Variants in PARVB observed in about 807,000 individuals in gnomAD.
PARVB encodes parvin beta, also known as beta-parvin.
Under a neutral mutation model 47.0 loss-of-function variants are expected in PARVB, and 46 were observed. That is an observed-to-expected ratio of 0.98 (90% confidence interval 0.77 to 1.25). The LOEUF (loss-of-function observed/expected upper bound fraction) is 1.25, where lower values mean the gene tolerates loss of function less well. PARVB is among the 50% of genes most tolerant of loss of function. The pLI is 0.00. For missense variants in PARVB, 473 were observed against 471.6 expected (o/e 1.00, Z -0.03); for synonymous variants, 196 against 196.3 (o/e 1.00, Z 0.01).
At position 44,169,626 on chromosome 22, in the gene PARVB, A is replaced by G. The variant is rs2054245773; in HGVS notation, c.*948A>G. The G allele has an allele frequency of 6.6e-6, 1 of 150,520 alleles. No homozygotes were observed. Among genetic ancestry groups the G allele is most frequent in the Non-Finnish European group, 1.5e-5 (1 of 68,050 alleles). 9.3% of individuals were successfully genotyped at this position (150,520 alleles called of 1,614,324 possible). ...TCAGGCCTTTCGCCTTGGCTTGTAGATGCCGGCTTCTCCCCGTGTCTTCAC... is the reference window on the plus strand; with the variant it reads ...TCAGGCCTTTCGCCTTGGCTTGTAGGTGCCGGCTTCTCCCCGTGTCTTCAC... On this transcript the variant is annotated 3_prime_UTR_variant, in exon 13 of 13. Coordinates refer to ENST00000338758, the MANE Select transcript of PARVB (RefSeq NM_013327.5).
chr22:44,051,003 C>T (rs2051198706), intron 1 of PARVB, among the ~76,000 whole-genome samples: 1 of 152,142 alleles, frequency 6.6e-6, no homozygotes, highest in African/African-American at 2.4e-5. Flanking sequence ...AGGCACTGGG[C>T]GCCTAGCTCC....
upstream of PARVB, among the ~76,000 whole-genome samples, chr22:44,022,463 C>T (rs1049995821): frequency 6.6e-6 from 1 of 152,196 alleles, no homozygotes; most frequent in Admixed American, 6.5e-5. Context: ...CCTGTGCCCA[C>T]GTTCTCCTTG....
chr22:44,137,291 G>C (rs1214569778), intron 7 of PARVB, among the ~76,000 whole-genome samples: 2 of 152,216 alleles, frequency 1.3e-5, no homozygotes, highest in African/African-American at 4.8e-5. Flanking sequence ...AGTGCAGGCT[G>C]ATGCATGTGC....
At chr22:44,043,039 G>C (rs139293844) in intron 1 of PARVB, among the ~76,000 whole-genome samples, 4 of 152,184 alleles carry the variant, frequency 2.6e-5, no homozygotes, top group Non-Finnish European at 5.9e-5. Flanking sequence ...AGCAAACTAT[G>C]CTCCATCCAT....
chr22:44,128,267 A>C (rs1465255566), intron 4 of PARVB, among the ~76,000 whole-genome samples: 1 of 152,180 alleles, frequency 6.6e-6, no homozygotes, highest in African/African-American at 2.4e-5. Flanking sequence ...ACTCACGGGC[A>C]CACCCTCTCC....
intron 3 of PARVB, chr22:44,110,944 T>G (rs1167942087): frequency 1.3e-5 from 2 of 152,214 alleles, no homozygotes; most frequent in Non-Finnish European, 2.9e-5. Flanking sequence ...TTAGAAGCCA[T>G]CTGGATAGTG....
At chr22:44,128,317 C>T (rs133915) in intron 4 of PARVB, among the ~76,000 whole-genome samples, 1 of 152,048 alleles carries the variant, frequency 6.6e-6, no homozygotes, top group South Asian at 2.1e-4. Context: ...GTACTCAACC[C>T]CCATGTGGCC....
At chr22:44,134,647 G>T (rs532928340) in intron 6 of PARVB, among the ~76,000 whole-genome samples, 1 of 152,132 alleles carries the variant, frequency 6.6e-6, no homozygotes. Context: ...CCTTAGAGCC[G>T]CCTTCTGTCT....
chr22:44,017,846 T>C (rs979336921), intron 2 of PARVB, among the ~76,000 whole-genome samples: 5 of 152,050 alleles, frequency 3.3e-5, no homozygotes, highest in African/African-American at 1.2e-4. Context: ...GGCTCTTCAC[T>C]GGGGGTCCGT....
chr22:44,156,830 A>T (rs1036902444), intron 10 of PARVB, among the ~76,000 whole-genome samples: 5 of 152,170 alleles, frequency 3.3e-5, no homozygotes, highest in Non-Finnish European at 5.9e-5. Flanking sequence ...AGTCAAATTC[A>T]TAGAGACAGA....
In PARVB at chr22:44,120,785, C is replaced by T. The variant is rs145466845; in HGVS notation, c.376+1645C>T. Among the ~76,000 whole-genome samples, 359 of 152,106 alleles carry T rather than the reference C, an allele frequency of 2.4e-3. 2 individuals are homozygous for T. Among genetic ancestry groups the T allele is most frequent in the African/African-American group, 8.2e-3 (340 of 41,498 alleles). On this transcript the variant is annotated intron_variant, in intron 4 of 12. Coordinates refer to ENST00000338758, the MANE Select transcript of PARVB (RefSeq NM_013327.5). Reference sequence around the variant, plus strand: ...CAAACTCCTGGGCTCCAGTGATCCTCACACCTTGGCCTCTAGAGTAGCTAG... The same window carrying T: ...CAAACTCCTGGGCTCCAGTGATCCTTACACCTTGGCCTCTAGAGTAGCTAG...
At chr22:44,085,674 A>C (rs1368650537) in intron 1 of PARVB, among the ~76,000 whole-genome samples, 1 of 152,206 alleles carries the variant, frequency 6.6e-6, no homozygotes, top group Non-Finnish European at 1.5e-5. Flanking sequence ...TTGTGCATCG[A>C]ATCCTTCACG....
At chr22:44,118,360 G>A (rs544379275) in intron 3 of PARVB, among the ~76,000 whole-genome samples, 2 of 152,206 alleles carry the variant, frequency 1.3e-5, no homozygotes, top group Non-Finnish European at 2.9e-5. Context: ...CCAAATCCGT[G>A]GAGAGGGGAA....
chr22:44,022,660 C>T (rs1188311473), upstream of PARVB, among the ~76,000 whole-genome samples: 3 of 152,160 alleles, frequency 2.0e-5, no homozygotes, highest in African/African-American at 7.2e-5. Context: ...CCACTTCTCC[C>T]CAGGTGCCGT....
Position 44,043,423 on chromosome 22 carries a change from T to G in PARVB, c.112+18972T>G, listed in dbSNP as rs143497967. 7.4e-3 allele frequency among the ~76,000 whole-genome samples: 1,123 copies of G among 152,214 alleles called. 16 individuals are homozygous for G. Among genetic ancestry groups the G allele is most frequent in the African/African-American group, 0.026 (1,063 of 41,540 alleles). On this transcript the variant is annotated intron_variant, in intron 1 of 12. Transcript: ENST00000338758. ...AGACGGAGTCTTGCTCTGTCGCCCA[T>G]GCTGGAGTGCAGTGGTGCGATCTCA...
chr22:44,021,249 C>G (rs1164774404), upstream of PARVB, among the ~76,000 whole-genome samples: 3 of 152,226 alleles, frequency 2.0e-5, no homozygotes, highest in African/African-American at 7.2e-5. Context: ...GGGCGGGAGG[C>G]TGGACTCCTC....
chr22:44,160,907 C>T (rs1569163335), intron 11 of PARVB, among the ~76,000 whole-genome samples: 1 of 152,212 alleles, frequency 6.6e-6, no homozygotes, highest in Non-Finnish European at 1.5e-5. Context: ...ATCTCATCCC[C>T]AGCCCCTCCT....
chr22:44,045,571 G>A (rs910858947), intron 1 of PARVB, among the ~76,000 whole-genome samples: 1 of 152,164 alleles, frequency 6.6e-6, no homozygotes, highest in Non-Finnish European at 1.5e-5. Flanking sequence ...TATGGGGCTG[G>A]GGGTTGGAGA....
intron 3 of PARVB, chr22:44,116,047 C>T (rs1420108689): frequency 6.6e-6 from 1 of 152,438 alleles, no homozygotes; most frequent in Non-Finnish European, 1.5e-5. Context: ...TCAGTGTCAC[C>T]TGTTCTCCTT....
Sources: gnomAD v4.1 joint callset for allele counts (sites outside exome capture counted in the v4.1 genomes callset) on GRCh38, gnomAD v4.1.1 for gene constraint, MANE v1.5 for transcripts, NCBI Gene and HGNC (gene_info 2026-07-23, HGNC 2026-07-21) for gene names.